The following DGKB variants were observed in gnomAD, a reference collection of about 807,000 sequenced individuals.
DGKB encodes 90 kDa diacylglycerol kinase.
DGKB carries 67 observed loss-of-function variants against 114.3 expected under a neutral mutation model. The observed-to-expected ratio is 0.59, with a 90% confidence interval of 0.48 to 0.72. The LOEUF (loss-of-function observed/expected upper bound fraction) is 0.72, where lower values mean the gene tolerates loss of function less well. Among genes scored for constraint, DGKB ranks in the 30% least tolerant of loss-of-function variants. The pLI, the probability that DGKB is intolerant of heterozygous loss-of-function variation, is 0.00. For synonymous variants in DGKB, 398 were observed against 323.1 expected (o/e 1.23, Z -2.49); for missense variants, 907 against 975.2 (o/e 0.93, Z 0.93).
At chr7:14,632,051 T>C (rs1172674512) in intron 13 of DGKB, among the ~76,000 whole-genome samples, 1 of 151,962 alleles carries the variant, frequency 6.6e-6, no homozygotes, top group Non-Finnish European at 1.5e-5. Context: ...GAGCAGGCAC[T>C]GGAAAGCCAA....
chr7:14,457,984 G>C (rs1382744748), intron 21 of DGKB, among the ~76,000 whole-genome samples: 1 of 152,220 alleles, frequency 6.6e-6, no homozygotes, highest in Non-Finnish European at 1.5e-5. Flanking sequence ...TGGATTGCGG[G>C]AAGTGCGGCA....
intron 4 of DGKB, among the ~76,000 whole-genome samples, chr7:14,739,292 AAC>A (rs1832195736): frequency 2.6e-5 from 4 of 152,132 alleles, no homozygotes; most frequent in Admixed American, 2.6e-4. Flanking sequence ...TCTGTCCCAT[AAC>A]ACATGCTCAG....
chr7:14,533,356 A>C (rs1001730525), intron 20 of DGKB, among the ~76,000 whole-genome samples: 3 of 151,800 alleles, frequency 2.0e-5, no homozygotes, highest in African/African-American at 7.2e-5. Context: ...CATAAAAGCA[A>C]AAAGAACAAG....
intron 13 of DGKB, among the ~76,000 whole-genome samples, chr7:14,669,720 C>T (rs184529621): frequency 3.3e-5 from 5 of 152,006 alleles, no homozygotes; most frequent in African/African-American, 4.8e-5. Flanking sequence ...ACAGGAGGCC[C>T]CAACAGACCA....
chr7:14,875,530 T>C (rs1213200770), intron 1 of DGKB, among the ~76,000 whole-genome samples: 2 of 152,224 alleles, frequency 1.3e-5, no homozygotes, highest in Non-Finnish European at 2.9e-5. Context: ...CTTTCACCTT[T>C]GTTTATTTAT....
chr7:14,227,705 G>A (rs1274608719), intron 23 of DGKB, among the ~76,000 whole-genome samples: 4 of 151,730 alleles, frequency 2.6e-5, no homozygotes, highest in Admixed American at 2.6e-4. Flanking sequence ...ATGGAACAAG[G>A]GCACATAATG....
chr7:14,630,552 C>G (rs1809491387), intron 13 of DGKB, among the ~76,000 whole-genome samples: 1 of 151,968 alleles, frequency 6.6e-6, no homozygotes, highest in South Asian at 2.1e-4. Context: ...AGCTTTAGCT[C>G]CAAGTTCCAT....
intron 9 of DGKB, among the ~76,000 whole-genome samples, chr7:14,689,455 G>A (rs1218190930): frequency 6.6e-6 from 1 of 152,054 alleles, no homozygotes; most frequent in African/African-American, 2.4e-5. Flanking sequence ...ACAGGCGTGA[G>A]CCACCGCGCC....
rs545596628 is a variant in DGKB, at chr7:14,585,355, C to T, written c.1434-2218G>A. On this transcript the variant is annotated intron_variant, in intron 17 of 25. Transcript: ENST00000402815. ...TCTGTTTTCTTTCCCTATAGCACTG[C>T]CCTTTCTAATTTACAAAGGTGAGCA... Among the ~76,000 whole-genome samples the T allele has an allele frequency of 2.6e-5, 4 of 152,256 alleles. No homozygotes were observed. In the South Asian group the frequency reaches 8.3e-4, roughly 32 times the overall value.
At chr7:14,422,129 T>A (rs1486821658) in intron 21 of DGKB, among the ~76,000 whole-genome samples, 1 of 152,062 alleles carries the variant, frequency 6.6e-6, no homozygotes, top group Admixed American at 6.6e-5. Context: ...CATATTACCT[T>A]CTTCAGTTCC....
At chr7:14,418,601 C>CT (rs1010462114) in intron 21 of DGKB, among the ~76,000 whole-genome samples, 1 of 151,614 alleles carries the variant, frequency 6.6e-6, no homozygotes, top group Non-Finnish European at 1.5e-5. Context: ...CCATTTATTT[C>CT]TTTTTAACAG....
chr7:14,766,186 G>C (rs116010235), intron 2 of DGKB, among the ~76,000 whole-genome samples: 3 of 151,946 alleles, frequency 2.0e-5, no homozygotes, highest in African/African-American at 7.2e-5. Flanking sequence ...AACAAGTACT[G>C]TTCCAACTAT....
chr7:14,804,323 C>T (rs1842546043), intron 2 of DGKB, among the ~76,000 whole-genome samples: 2 of 151,600 alleles, frequency 1.3e-5, no homozygotes, highest in African/African-American at 4.8e-5. Context: ...TTTCTCTAGT[C>T]GGTTTTAAGA....
chr7:14,320,456 A>AC (rs1807543719), intron 23 of DGKB, among the ~76,000 whole-genome samples: 1 of 152,070 alleles, frequency 6.6e-6, no homozygotes, highest in Non-Finnish European at 1.5e-5. Flanking sequence ...ACAGCCTTAG[A>AC]CTACATTGTG....
At chr7:14,267,532 A>C (rs1289562958) in intron 23 of DGKB, among the ~76,000 whole-genome samples, 5 of 150,388 alleles carry the variant, frequency 3.3e-5, no homozygotes, top group Non-Finnish European at 7.4e-5. Context: ...TCTGTTGCCC[A>C]GGCTGGAGTG....
At chr7:14,307,097 T>G (rs1804602216) in intron 23 of DGKB, among the ~76,000 whole-genome samples, 1 of 127,688 alleles carries the variant, frequency 7.8e-6, no homozygotes, top group South Asian at 2.6e-4. Context: ...TCCACCTTAT[T>G]TCTATTTGAA....
rs550517047 is a variant in DGKB at position 14,336,633 on chromosome 7, G to A, written c.2122+1882C>T. 5.3e-5 allele frequency among the ~76,000 whole-genome samples: 8 copies of A among 152,244 alleles called. No homozygotes were observed. In the East Asian group the frequency reaches 5.8e-4, roughly 11 times the overall value. On this transcript the variant is annotated intron_variant, in intron 23 of 25. Transcript: ENST00000402815. ...CAAGAAGACAGAAAGGAAAGAGAGC[G>A]CTTTTCCAACAGTTACAGGCACTGA...
At chr7:14,431,538 A>T (rs1828447584) in intron 21 of DGKB, among the ~76,000 whole-genome samples, 1 of 152,198 alleles carries the variant, frequency 6.6e-6, no homozygotes, top group South Asian at 2.1e-4. Context: ...ACAATTTAGT[A>T]GCTCTTACAT....
At chr7:14,808,525 A>G (rs1160184878) in intron 2 of DGKB, among the ~76,000 whole-genome samples, 1 of 152,126 alleles carries the variant, frequency 6.6e-6, no homozygotes, top group African/African-American at 2.4e-5. Context: ...AAGAGTTTCA[A>G]GGATAGAATA....
Sources: allele counts gnomAD v4.1 joint callset (sites outside exome capture counted in the v4.1 genomes callset), GRCh38; gene constraint gnomAD v4.1.1; transcripts MANE v1.5; gene names NCBI Gene and HGNC (gene_info 2026-07-23, HGNC 2026-07-21).